ANKS3: variants seen among roughly 807,000 people sequenced by gnomAD.
ANKS3 encodes the protein ankyrin repeat and SAM domain-containing protein 3.
In ANKS3, 62 loss-of-function variants were observed where a neutral mutation model predicts 80.7. The ratio of observed to expected loss-of-function variants is 0.77; its 90% CI spans 0.63 to 0.95. The LOEUF is 0.95. Ranked by LOEUF, ANKS3 falls within the 40% of genes least tolerant of loss-of-function variation. ANKS3 has a pLI of 0.00. For synonymous variants in ANKS3, 489 were observed against 355.3 expected (o/e 1.38, Z -4.23); for missense variants, 1,150 against 883.6 (o/e 1.30, Z -3.82).
chr16:4,724,809 G>C lies in ANKS3; in HGVS notation c.514C>G (p.Pro172Ala). 6.2e-7 allele frequency: 1 copy of C among 1,614,090 alleles called. No homozygotes were observed. The highest frequency in any genetic ancestry group is 1.3e-5 in the African/African-American group (1 of 75,018). The change falls in exon 6 of 18, where the codon CCC (proline) becomes GCC (alanine). Residue 172 changes from proline to alanine, a missense_variant. Transcript: ENST00000304283. ...CCAGCAGCAGCTGCTTCCATCAAGG[G>C]AGTAAATCCACATATCGGCTCCCTG... is the stretch of plus-strand genomic sequence containing the variant. ...NVREPICGFT[P>A]LMEAAAAGHE...
At chr16:4,710,568 G>C (rs184028977) in intron 7 of ANKS3, among the ~76,000 whole-genome samples, 1 of 152,054 alleles carries the variant, frequency 6.6e-6, no homozygotes, top group Non-Finnish European at 1.5e-5. Flanking sequence ...CGTAAGCTGG[G>C]CGTGGTAGGG....
intron 6 of ANKS3, among the ~76,000 whole-genome samples, chr16:4,723,388 G>C (rs2081199543): frequency 6.6e-6 from 1 of 152,184 alleles, no homozygotes; most frequent in African/African-American, 2.4e-5. Context: ...TGTGTGGCCT[G>C]TTGTGTCTGG....
intron 3 of ANKS3, 100 bp downstream of exon 3, chr16:4,729,880 C>T (rs2081533518): frequency 5.9e-6 from 7 of 1,190,980 alleles, no homozygotes; most frequent in East Asian, 5.6e-5. Context: ...ATTCTACACG[C>T]ATTAAACATC....
rs201901719 is a variant in ANKS3, at chr16:4,698,850, C to A, written c.1501G>T (p.Ala501Ser). 46 of 1,606,576 alleles carry A rather than the reference C, an allele frequency of 2.9e-5. No individual in the cohort carries two copies. The South Asian group carries it at 4.3e-4, about 15-fold the overall frequency. ...TGCATCTCAGCCTCCAGCCGGTCGG[C>A]GTAGGCCAGCTCCAGGGCATCCCCG... ...PPGDALELAY[A>S]DRLEAEMQEL... is the part of the protein sequence containing the mutation. Residue 501 changes from alanine (A) to serine (S), a missense_variant, in exon 13 of 18, where the codon GCC becomes TCC. Coordinates refer to ENST00000304283, the MANE Select transcript of ANKS3 (RefSeq NM_133450.4).
intron 1 of ANKS3, among the ~76,000 whole-genome samples, chr16:4,733,561 G>A (rs1186324489): frequency 6.6e-6 from 1 of 152,086 alleles, no homozygotes; most frequent in Non-Finnish European, 1.5e-5. Context: ...CAAAGTGCTA[G>A]GATTACAGGC....
At chr16:4,713,905 T>C in intron 7 of ANKS3, 146 bp downstream of exon 7, 1 of 1,170,234 alleles carries the variant, frequency 8.5e-7, no homozygotes, top group Non-Finnish European at 1.2e-6. Flanking sequence ...GGCCTCAACC[T>C]TGACATGTAA....
chr16:4,699,373 T>G, intron 11 of ANKS3, 197 bp from the exon 12 acceptor site: 3 of 679,868 alleles, frequency 4.4e-6, no homozygotes, highest in Non-Finnish European at 7.3e-6. Context: ...CCTCACACTA[T>G]GGTCGGCCAC....
chr16:4,732,555 C>T (rs886715606), intron 1 of ANKS3, among the ~76,000 whole-genome samples: 12 of 151,762 alleles, frequency 7.9e-5, no homozygotes, highest in African/African-American at 2.9e-4. Flanking sequence ...TGGTGGTGGG[C>T]GCCTGTAGTC....
chr16:4,705,462 G>C (rs1596367445), intron 7 of ANKS3, among the ~76,000 whole-genome samples: 1 of 152,266 alleles, frequency 6.6e-6, no homozygotes, highest in African/African-American at 2.4e-5. Flanking sequence ...GTGAGGATGG[G>C]AAGTTTCATT....
At chr16:4,721,304 CAAAA>C (rs528222353) in intron 6 of ANKS3, among the ~76,000 whole-genome samples, 3 of 75,308 alleles carry the variant, frequency 4.0e-5, no homozygotes, top group Admixed American at 1.6e-4. Flanking sequence ...GACGCCATCT[CAAAA>C]AAAAAAAAAA....
In ANKS3 at chr16:4,730,081, C is replaced by T. The variant is rs139549921; in HGVS notation, c.69G>A (p.Gly23=). ...LLNRSLSMWH[G]LGTQVSGEEL... ...CCTCCCCGCTGACCTGTGTCCCGAG[C>T]CCGTGCCACATGGACAAGCTGCGGT... Residue 23 remains glycine (G), a synonymous_variant, in exon 3 of 18, where the codon GGG becomes GGA. Transcript: ENST00000304283. 2 of 1,594,356 alleles carry T rather than the reference C, an allele frequency of 1.3e-6. No individual in the cohort carries two copies. The highest frequency in any genetic ancestry group is 1.7e-6 in the Non-Finnish European group (2 of 1,168,932).
rs370740279 is a variant in ANKS3 at position 4,705,075 on chromosome 16, G to A, written c.868+20C>T. The A allele has an allele frequency of 1.1e-5, 18 of 1,608,500 alleles. No homozygotes were observed. The highest frequency in any genetic ancestry group is 3.4e-5 in the Admixed American group (2 of 59,490). ...TGGTATGCAATGAGAAAGAGCCCTC[G>A]GGAAACGCGGGCCACTCACCATAGC... On this transcript the variant is annotated intron_variant, in intron 8 of 17. Transcript: ENST00000304283.
intron 6 of ANKS3, among the ~76,000 whole-genome samples, chr16:4,724,414 T>C (rs530482333): frequency 2.9e-4 from 44 of 152,260 alleles, no homozygotes; most frequent in African/African-American, 1.0e-3. Context: ...ATCAGGGAGG[T>C]TGAAAAAGAG....
At chr16:4,713,581 C>G (rs139128697) in intron 7 of ANKS3, among the ~76,000 whole-genome samples, 2,399 of 152,140 alleles carry the variant, frequency 0.016, 38 homozygotes, top group Middle Eastern at 0.048. Context: ...CCTGCAAGAC[C>G]CAAAAGTACA....
rs1302777942 is a variant in ANKS3 at position 4,701,477 on chromosome 16, C to T, written c.1076G>A (p.Arg359Lys). 1 of 1,611,260 alleles carries T rather than the reference C, an allele frequency of 6.2e-7. No individual in the cohort carries two copies. Among genetic ancestry groups the T allele is most frequent in the Non-Finnish European group, 8.5e-7 (1 of 1,178,430 alleles). The change falls in exon 10 of 18, where the codon AGA (arginine) becomes AAA (lysine). Residue 359 changes from arginine (R) to lysine (K), a missense_variant. Physicochemically the swap from Arg to Lys is conservative, Grantham distance 26. Coordinates refer to ENST00000304283, the MANE Select transcript of ANKS3 (RefSeq NM_133450.4). Reference sequence around the variant, plus strand: ...AGCTTCGCTGCTGAGCCCCTGGGCTCTGGCCAGGCCCTCGCTGCTGCTGCT... The same window carrying T: ...AGCTTCGCTGCTGAGCCCCTGGGCTTTGGCCAGGCCCTCGCTGCTGCTGCT... ...QSSSSSEGLA[R>K]AQGLSSEASV...
intron 2 of ANKS3, among the ~76,000 whole-genome samples, chr16:4,730,670 C>G (rs1417761297): frequency 1.3e-5 from 2 of 152,092 alleles, no homozygotes; most frequent in African/African-American, 2.4e-5. Context: ...AGTTCAAGAC[C>G]AGCCTGGCCA....
Position 4,699,095 on chromosome 16 carries a change from A to G in ANKS3, c.1366T>C (p.Phe456Leu). 6.2e-7 allele frequency: 1 copy of G among 1,614,164 alleles called. No individual in the cohort carries two copies. The highest frequency in any genetic ancestry group is 2.2e-5 in the East Asian group (1 of 44,884). Residue 456 changes from phenylalanine (F) to leucine (L), a missense_variant, in exon 12 of 18, where the codon TTT becomes CTT. Phe to Leu is a conservative substitution (Grantham distance 22). Coordinates refer to ENST00000304283, the MANE Select transcript of ANKS3 (RefSeq NM_133450.4). ...AGGTCGCTCTCAGTGAGGGTCAGAA[A>G]GATGCGGAGGTCCACGTCCTGCTCC... Reference protein sequence around the residue: ...FEEQDVDLRIFLTLTESDLKE... With the variant: ...FEEQDVDLRILLTLTESDLKE...
intron 13 of ANKS3, 60 bp from the exon 14 acceptor site, chr16:4,698,659 G>A (rs1218005249): frequency 1.3e-6 from 2 of 1,528,766 alleles, no homozygotes; most frequent in Non-Finnish European, 1.7e-6. Context: ...CAGACCCTTG[G>A]CCACGGCCCT....
intron 3 of ANKS3, chr16:4,727,961 C>G (rs1031530252): frequency 3.9e-5 from 6 of 152,306 alleles, no homozygotes; most frequent in African/African-American, 1.4e-4. Context: ...GCCCACAGGC[C>G]TTCTTTCCCT....
Sources: gnomAD v4.1 joint callset for allele counts (sites outside exome capture counted in the v4.1 genomes callset) on GRCh38, gnomAD v4.1.1 for gene constraint, MANE v1.5 for transcripts, NCBI Gene and HGNC (gene_info 2026-07-23, HGNC 2026-07-21) for gene names.